DOCK1: variants seen among roughly 807,000 people sequenced by gnomAD.
DOCK1 encodes dedicator of cytokinesis 1.
In DOCK1, 138 loss-of-function variants were observed where a neutral mutation model predicts 262.7. The ratio of observed to expected loss-of-function variants is 0.53; its 90% confidence interval spans 0.46 to 0.61. The LOEUF (loss-of-function observed/expected upper bound fraction) is 0.61. Among genes scored for constraint, DOCK1 ranks in the 20% least tolerant of loss-of-function variants. DOCK1 has a pLI of 0.00. For synonymous variants in DOCK1, 866 were observed against 867.4 expected (o/e 1.00, Z 0.03); for missense variants, 1,908 against 2,370.7 (o/e 0.80, Z 4.05).
chr10:127,061,773 G>A lies in DOCK1; in HGVS notation c.2442G>A (p.Val814=), dbSNP rs1273354046. Residue 814 remains valine (V), a synonymous_variant, in exon 23 of 52, where the codon GTG becomes GTA. Coordinates refer to ENST00000623213, the MANE Select transcript of DOCK1 (RefSeq NM_001290223.2). ...GCATGTCAGACCAGACCGTCCGGGTGAAGGTGAGTGCCGGCCACTGCCAAG... is the reference window on the plus strand; with the variant it reads ...GCATGTCAGACCAGACCGTCCGGGTAAAGGTGAGTGCCGGCCACTGCCAAG... ...MSSMSDQTVR[V]KGAALKYLPT... The A allele has an allele frequency of 1.9e-6, 3 of 1,581,486 alleles. No individual in the cohort carries two copies. Among genetic ancestry groups the A allele is most frequent in the African/African-American group, 2.7e-5 (2 of 74,210 alleles).
At chr10:127,124,211 T>G (rs1478625875) in intron 25 of DOCK1, among the ~76,000 whole-genome samples, 1 of 152,242 alleles carries the variant, frequency 6.6e-6, no homozygotes, top group East Asian at 1.9e-4. Flanking sequence ...TGTTGCATGC[T>G]TATAGTTTTC....
chr10:127,143,498 T>G (rs2051473672), intron 27 of DOCK1, among the ~76,000 whole-genome samples: 1 of 152,198 alleles, frequency 6.6e-6, no homozygotes, highest in Non-Finnish European at 1.5e-5. Context: ...GTGCTCCCAC[T>G]TCTCACAGCA....
intron 18 of DOCK1, among the ~76,000 whole-genome samples, chr10:127,036,040 A>AAATT (rs2043586102): frequency 7.3e-6 from 1 of 137,282 alleles, no homozygotes. Context: ...ATAAATAAAT[A>AAATT]AATAAAAAAG....
chr10:127,275,871 T>C (rs1182388514), intron 29 of DOCK1, among the ~76,000 whole-genome samples: 1 of 152,224 alleles, frequency 6.6e-6, no homozygotes, highest in Non-Finnish European at 1.5e-5. Context: ...TCAAATATTA[T>C]GATCTCTATA....
chr10:127,010,930 T>TCAAAAACAAAAA (rs10634495), intron 11 of DOCK1, among the ~76,000 whole-genome samples: 5 of 151,888 alleles, frequency 3.3e-5, no homozygotes, highest in African/African-American at 1.2e-4. Context: ...CTGTGAAAAG[T>TCAAAAACAAAAA]CAAAAACAAA....
intron 29 of DOCK1, among the ~76,000 whole-genome samples, chr10:127,284,109 TTC>T (rs1005644171): frequency 6.6e-6 from 1 of 152,206 alleles, no homozygotes; most frequent in African/African-American, 2.4e-5. Context: ...CAAATGTAGT[TTC>T]TGTTTTTGTA....
intron 27 of DOCK1, among the ~76,000 whole-genome samples, chr10:127,241,856 C>T (rs1275180966): frequency 6.6e-6 from 1 of 152,088 alleles, no homozygotes; most frequent in African/African-American, 2.4e-5. Context: ...GGTCCTCTCC[C>T]CAGGAGTGAG....
intron 27 of DOCK1, among the ~76,000 whole-genome samples, chr10:127,167,079 C>A (rs1020306643): frequency 1.3e-5 from 2 of 151,918 alleles, no homozygotes; most frequent in African/African-American, 4.8e-5. Context: ...CTTTATTTTT[C>A]ATATTAGAGA....
chr10:127,385,396 G>A (rs910491907), intron 38 of DOCK1, among the ~76,000 whole-genome samples: 5 of 151,636 alleles, frequency 3.3e-5, no homozygotes, highest in African/African-American at 1.2e-4. Flanking sequence ...TCTGATCACT[G>A]TAGTTCTTCT....
chr10:127,260,780 GGTGT>G (rs754489261), intron 29 of DOCK1, among the ~76,000 whole-genome samples: 165 of 81,784 alleles, frequency 2.0e-3, no homozygotes, highest in African/African-American at 7.9e-3. Flanking sequence ...TGTGCATGTG[GGTGT>G]GTGTGTGTAC....
Position 127,410,915 on chromosome 10 carries a change from T to C in DOCK1, c.4419T>C (p.Asn1473=). 1.2e-6 allele frequency: 2 copies of C among 1,613,178 alleles called. No homozygotes were observed. The highest frequency in any genetic ancestry group is 1.1e-5 in the South Asian group (1 of 90,798). Reference sequence around the variant, plus strand: ...GGAAGGGAGAGAAAAACCCAGACAATGAATTTGCGGTAAAAAACAAACAAA... The same window carrying C: ...GGAAGGGAGAGAAAAACCCAGACAACGAATTTGCGGTAAAAAACAAACAAA... ...PIRKGEKNPD[N]EFANMWIERT... The change falls in exon 43 of 52, where the codon AAT becomes AAC. Residue 1473 remains asparagine (N), a synonymous_variant. Transcript: ENST00000623213.
intron 27 of DOCK1, among the ~76,000 whole-genome samples, chr10:127,190,392 T>G (rs2056632569): frequency 6.6e-6 from 1 of 152,178 alleles, no homozygotes; most frequent in South Asian, 2.1e-4. Context: ...AGAAAACAAT[T>G]CTTTCCCAAT....
chr10:127,166,775 A>AT (rs199633584), intron 27 of DOCK1, among the ~76,000 whole-genome samples: 250 of 150,326 alleles, frequency 1.7e-3, no homozygotes, highest in African/African-American at 5.7e-3. Flanking sequence ...CTTGCATTTC[A>AT]TTTTTTTTTT....
At chr10:127,213,132 A>G (rs2058055416) in intron 27 of DOCK1, among the ~76,000 whole-genome samples, 2 of 152,180 alleles carry the variant, frequency 1.3e-5, no homozygotes, top group Admixed American at 1.3e-4. Context: ...AAGCTTTTAT[A>G]TGCATAGATA....
intron 25 of DOCK1, among the ~76,000 whole-genome samples, chr10:127,112,330 A>G (rs1307994164): frequency 6.6e-6 from 1 of 152,110 alleles, no homozygotes; most frequent in African/African-American, 2.4e-5. Flanking sequence ...TTTTTCCTCT[A>G]TTAAAACTTG....
chr10:126,931,483 G>C (rs1219557968), intron 1 of DOCK1, among the ~76,000 whole-genome samples: 10 of 151,926 alleles, frequency 6.6e-5, no homozygotes, highest in African/African-American at 2.2e-4. Context: ...TCAGGAGCCC[G>C]AGCTGAGCTG....
chr10:127,203,654 T>G (rs1328487769), intron 27 of DOCK1, among the ~76,000 whole-genome samples: 1 of 152,126 alleles, frequency 6.6e-6, no homozygotes, highest in South Asian at 2.1e-4. Flanking sequence ...CGTTTTTTTT[T>G]TTTTTTTCAT....
chr10:127,166,097 G>A (rs1459704947), intron 27 of DOCK1, among the ~76,000 whole-genome samples: 8 of 151,906 alleles, frequency 5.3e-5, no homozygotes, highest in Non-Finnish European at 1.0e-4. Flanking sequence ...ACAGAGTCTC[G>A]CTCTGTAGCG....
intron 40 of DOCK1, among the ~76,000 whole-genome samples, chr10:127,405,866 G>A (rs564389095): frequency 1.4e-4 from 21 of 152,232 alleles, no homozygotes; most frequent in Admixed American, 9.2e-4. Flanking sequence ...CAAAGACAGC[G>A]GTTGATCAGA....
Sources: allele counts gnomAD v4.1 joint callset (sites outside exome capture counted in the v4.1 genomes callset), GRCh38; gene constraint gnomAD v4.1.1; transcripts MANE v1.5; gene names NCBI Gene and HGNC (gene_info 2026-07-23, HGNC 2026-07-21).